Variants in ARHGEF3 observed in about 807,000 individuals in gnomAD.
ARHGEF3 encodes the protein Rho guanine nucleotide exchange factor 3.
ARHGEF3 carries 28 observed loss-of-function variants against 63.2 expected under a neutral mutation model. The observed-to-expected ratio is 0.44, with a 90% confidence interval of 0.33 to 0.61. ARHGEF3 has a LOEUF of 0.61. ARHGEF3 is among the 20% of genes least tolerant of loss of function. The pLI is 0.03. For synonymous variants in ARHGEF3, 266 were observed against 254.2 expected, an observed-to-expected ratio of 1.05 and a Z score of -0.44; for missense variants, 533 against 659.3, an observed-to-expected ratio of 0.81 and a Z score of 2.10.
At chr3:56,785,404 G>A (rs188922495) in intron 1 of ARHGEF3, among the ~76,000 whole-genome samples, 39 of 152,010 alleles carry the variant, frequency 2.6e-4, no homozygotes, top group Non-Finnish European at 4.1e-4. Flanking sequence ...CCTCCCACCC[G>A]CCCACTGCCA....
chr3:57,062,388 C>T (rs1705270955), intron 1 of ARHGEF3, among the ~76,000 whole-genome samples: 1 of 152,158 alleles, frequency 6.6e-6, no homozygotes, highest in African/African-American at 2.4e-5. Flanking sequence ...GGGAGGGGAA[C>T]CATGATAGGC....
chr3:57,046,298 G>A (rs761288135), intron 1 of ARHGEF3, among the ~76,000 whole-genome samples: 35 of 152,144 alleles, frequency 2.3e-4, no homozygotes, highest in Non-Finnish European at 4.4e-4. Context: ...AGTTGGAACC[G>A]GACAATAGGG....
chr3:56,865,659 A>G lies in ARHGEF3; in HGVS notation c.192+16633T>C, dbSNP rs971327233. 2.6e-5 allele frequency among the ~76,000 whole-genome samples: 4 copies of G among 152,188 alleles called. No homozygotes were observed. In the East Asian group the frequency reaches 7.7e-4, roughly 29 times the overall value. ...TGAGGTGTGATCTGTGAGCTTGGAC[A>G]TTGTTATGAACAGAATATTTGTGTC... is the stretch of plus-strand genomic sequence containing the variant. On this transcript the variant is annotated intron_variant, in intron 4 of 12. Coordinates refer to the ARHGEF3 transcript ENST00000338458.
At chr3:56,947,252 G>A (rs1699556611) in intron 3 of ARHGEF3, among the ~76,000 whole-genome samples, 1 of 152,212 alleles carries the variant, frequency 6.6e-6, no homozygotes, top group Non-Finnish European at 1.5e-5. Context: ...ACATCATGAT[G>A]AGAGGATCAA....
intron 3 of ARHGEF3, among the ~76,000 whole-genome samples, chr3:56,928,128 A>C (rs1485849092): frequency 6.6e-6 from 1 of 152,166 alleles, no homozygotes; most frequent in East Asian, 1.9e-4. Context: ...GTGTGCTGGA[A>C]TCACCCTTTA....
intron 3 of ARHGEF3, among the ~76,000 whole-genome samples, chr3:56,914,747 A>G (rs761394056): frequency 1.3e-5 from 2 of 152,238 alleles, no homozygotes; most frequent in Non-Finnish European, 2.9e-5. Flanking sequence ...CCAGTCAAAA[A>G]AAGACAAATA....
chr3:56,810,657 TA>T lies in ARHGEF3; in HGVS notation c.193-36842del, dbSNP rs11331090. Among the ~76,000 whole-genome samples the T allele has an allele frequency of 9.5e-3, 1,453 of 152,288 alleles. 66 individuals carry two copies. The highest frequency in any genetic ancestry group is 0.095 in the East Asian group (493 of 5,182). ...TGTGTAAAATAACAAAATATGGCAG[TA>T]TTCATATCATCTGGCCTGAATTTGA... On this transcript the variant is annotated intron_variant, in intron 4 of 12. Coordinates refer to the ARHGEF3 transcript ENST00000338458.
chr3:57,069,362 ATC>A (rs1705747986), intron 1 of ARHGEF3, among the ~76,000 whole-genome samples: 1 of 138,956 alleles, frequency 7.2e-6, no homozygotes, highest in South Asian at 2.3e-4. Context: ...AATAACTCTA[ATC>A]TCTGTCTCTC....
At chr3:57,010,819 A>G (rs1023415399) in intron 2 of ARHGEF3, among the ~76,000 whole-genome samples, 4 of 152,204 alleles carry the variant, frequency 2.6e-5, no homozygotes, top group Non-Finnish European at 5.9e-5. Flanking sequence ...TTTACAAAAT[A>G]CACTTTACCC....
At chr3:56,737,409 A>G in intron 7 of ARHGEF3, 54 bp from the exon 8 acceptor site, 1 of 1,480,736 alleles carries the variant, frequency 6.8e-7, no homozygotes, top group Non-Finnish European at 9.3e-7. Flanking sequence ...AACCATTCAC[A>G]CCAAGTCTTA....
At chr3:56,840,501 T>C (rs977908922) in intron 4 of ARHGEF3, among the ~76,000 whole-genome samples, 8 of 152,216 alleles carry the variant, frequency 5.3e-5, no homozygotes, top group Non-Finnish European at 2.9e-5. Context: ...ATGCATTCCC[T>C]GAGCCACAGT....
At chr3:56,853,406 G>T (rs916398402) in intron 4 of ARHGEF3, among the ~76,000 whole-genome samples, 3 of 152,090 alleles carry the variant, frequency 2.0e-5, no homozygotes, top group Admixed American at 6.5e-5. Flanking sequence ...GCACCATCTC[G>T]GCTCACTGCA....
Position 56,732,283 on chromosome 3 carries a change from T to C in ARHGEF3, c.1183A>G (p.Arg395Gly). 6.2e-7 allele frequency: 1 copy of C among 1,614,150 alleles called. No homozygotes were observed. Among genetic ancestry groups the C allele is most frequent in the Non-Finnish European group, 8.5e-7 (1 of 1,180,026 alleles). Residue 395 changes from arginine to glycine, a missense_variant, in exon 9 of 10, where the codon AGG becomes GGG. Around this residue, in one of 4 missense-constraint regions of ARHGEF3, gnomAD observed 151 missense variants for 190.7 expected, o/e 0.79. Coordinates refer to ENST00000296315, the MANE Select transcript of ARHGEF3 (RefSeq NM_019555.3). The part of the protein sequence containing the change: ...LLEDLQDGEV[R>G]LGGSLRGAFS... ...GCCCCTCGCAGGGAGCCACCCAGCC[T>C]CACTTCTCCATCCTGGAGGTCTTCC...
rs560819657 is a variant in ARHGEF3 at position 56,824,462 on chromosome 3, C to T, written c.193-50646G>A. Among the ~76,000 whole-genome samples the T allele has an allele frequency of 2.6e-5, 4 of 152,238 alleles. No individual in the cohort carries two copies. The East Asian group carries it at 5.8e-4, about 22-fold the overall frequency. On this transcript the variant is annotated intron_variant, in intron 4 of 12. Coordinates refer to the ARHGEF3 transcript ENST00000338458. The stretch of plus-strand genomic sequence containing the variant: ...TTAATCCCCAGGACAACCTTTAGAG[C>T]TCAATCCTTCTAATGACTCCCATTA...
At chr3:57,049,978 G>A (rs1286534235) in intron 1 of ARHGEF3, among the ~76,000 whole-genome samples, 1 of 152,180 alleles carries the variant, frequency 6.6e-6, no homozygotes, top group Non-Finnish European at 1.5e-5. Context: ...GGCAGCCAGA[G>A]GACTTGCTCT....
intron 4 of ARHGEF3, among the ~76,000 whole-genome samples, chr3:56,815,243 A>C (rs866900189): frequency 1.3e-5 from 2 of 152,304 alleles, no homozygotes; most frequent in Middle Eastern, 6.8e-3. Context: ...TCTCTGAGAC[A>C]TAGATTCTTG....
intron 3 of ARHGEF3, among the ~76,000 whole-genome samples, chr3:56,911,098 A>C (rs762225307): frequency 3.9e-4 from 59 of 152,166 alleles, no homozygotes; most frequent in Admixed American, 8.5e-4. Context: ...TTAACTGCAA[A>C]ATCCAGAACT....
intron 2 of ARHGEF3, among the ~76,000 whole-genome samples, chr3:56,996,668 A>C (rs944014660): frequency 5.9e-5 from 9 of 152,018 alleles, no homozygotes; most frequent in South Asian, 4.1e-4. Context: ...TTTATAAGCC[A>C]CTCTCTTTAT....
intron 3 of ARHGEF3, among the ~76,000 whole-genome samples, chr3:56,890,941 T>C (rs960030747): frequency 6.6e-6 from 1 of 152,228 alleles, no homozygotes; most frequent in African/African-American, 2.4e-5. Flanking sequence ...TTTATCTCTT[T>C]GCTGGCAAAC....
Sources: allele counts gnomAD v4.1 joint callset (sites outside exome capture counted in the v4.1 genomes callset), GRCh38; gene constraint gnomAD v4.1.1; regional missense constraint gnomAD v4.1.1; transcripts MANE v1.5; gene names NCBI Gene and HGNC (gene_info 2026-07-23, HGNC 2026-07-21).